RTN1: variants seen among roughly 807,000 people sequenced by gnomAD.
RTN1 encodes reticulon-1.
Under a neutral mutation model 65.5 loss-of-function variants are expected in RTN1, and 25 were observed. The ratio of observed to expected loss-of-function variants is 0.38; its 90% CI spans 0.28 to 0.53. The LOEUF is 0.53. Ranked by LOEUF, RTN1 falls within the 20% of genes least tolerant of loss-of-function variation. The probability of loss-of-function intolerance (pLI) is 0.79; values close to 1 mark genes in which losing one functional copy is unlikely to be tolerated. For synonymous variants in RTN1, 471 were observed against 447.6 expected (o/e 1.05, Z -0.66); for missense variants, 983 against 1,025.4 (o/e 0.96, Z 0.57).
intron 3 of RTN1, among the ~76,000 whole-genome samples, chr14:59,710,348 T>G (rs1287389630): frequency 6.6e-6 from 1 of 152,342 alleles, no homozygotes; most frequent in African/African-American, 2.4e-5. Context: ...CTTCTTTGCA[T>G]GTAAAGTTTC....
At chr14:59,734,112 G>A (rs1272331353) in intron 2 of RTN1, among the ~76,000 whole-genome samples, 1 of 152,172 alleles carries the variant, frequency 6.6e-6, no homozygotes, top group East Asian at 1.9e-4. Flanking sequence ...ACTAAGGTCT[G>A]GAGTGGACCC....
chr14:59,754,358 C>T (rs1885594116), intron 1 of RTN1, among the ~76,000 whole-genome samples: 1 of 152,186 alleles, frequency 6.6e-6, no homozygotes, highest in Non-Finnish European at 1.5e-5. Flanking sequence ...ACAACGATGA[C>T]TTGCTGAAGA....
intron 3 of RTN1, among the ~76,000 whole-genome samples, chr14:59,722,583 G>A (rs774688365): frequency 6.6e-6 from 1 of 152,080 alleles, no homozygotes; most frequent in Non-Finnish European, 1.5e-5. Context: ...ATTTCCATGA[G>A]AGCTGATATT....
chr14:59,644,210 A>G (rs1882841719), intron 3 of RTN1, among the ~76,000 whole-genome samples: 1 of 152,244 alleles, frequency 6.6e-6, no homozygotes, highest in Admixed American at 6.5e-5. Flanking sequence ...AGCACCTTCA[A>G]CTGAAACATC....
chr14:59,608,874 A>G (rs1881850816), intron 3 of RTN1, among the ~76,000 whole-genome samples: 1 of 152,016 alleles, frequency 6.6e-6, no homozygotes, highest in South Asian at 2.1e-4. Flanking sequence ...TTTGAGTAGG[A>G]CTGGTCCTAC....
intron 1 of RTN1, among the ~76,000 whole-genome samples, chr14:59,784,464 T>A (rs995459860): frequency 3.3e-5 from 5 of 151,524 alleles, no homozygotes; most frequent in Non-Finnish European, 5.9e-5. Flanking sequence ...AAAAAAATTG[T>A]CCTATCATTT....
intron 3 of RTN1, among the ~76,000 whole-genome samples, chr14:59,678,024 A>T (rs1381879607): frequency 5.3e-5 from 8 of 152,212 alleles, no homozygotes; most frequent in Non-Finnish European, 1.2e-4. Flanking sequence ...GCATTTTAGA[A>T]AAATAAATAG....
At chr14:59,731,365 G>C (rs1884892821) in intron 2 of RTN1, among the ~76,000 whole-genome samples, 1 of 152,132 alleles carries the variant, frequency 6.6e-6, no homozygotes, top group Non-Finnish European at 1.5e-5. Flanking sequence ...GTGAGAAAAG[G>C]GGGTGCAGGG....
intron 1 of RTN1, among the ~76,000 whole-genome samples, chr14:59,787,377 T>C (rs898150281): frequency 1.3e-5 from 2 of 152,190 alleles, no homozygotes; most frequent in Non-Finnish European, 2.9e-5. Context: ...TTTTGTCAAA[T>C]GGCTGTGAAA....
intron 3 of RTN1, among the ~76,000 whole-genome samples, chr14:59,682,474 T>C (rs1344874777): frequency 6.6e-6 from 1 of 152,190 alleles, no homozygotes; most frequent in East Asian, 1.9e-4. Context: ...CTCCTTTGAA[T>C]TGCTAGAGGG....
intron 8 of RTN1, among the ~76,000 whole-genome samples, chr14:59,599,211 G>A (rs572102644): frequency 4.6e-5 from 7 of 152,190 alleles, no homozygotes; most frequent in South Asian, 2.1e-4. Flanking sequence ...ATCCCTCGCC[G>A]CATTCTATAT....
chr14:59,724,214 T>C (rs1477446682), intron 3 of RTN1, among the ~76,000 whole-genome samples: 1 of 152,178 alleles, frequency 6.6e-6, no homozygotes, highest in East Asian at 1.9e-4. Flanking sequence ...TTGTCTCCAG[T>C]GCAATAACTG....
chr14:59,753,466 T>C (rs1383904462), intron 1 of RTN1, among the ~76,000 whole-genome samples: 1 of 152,180 alleles, frequency 6.6e-6, no homozygotes, highest in Non-Finnish European at 1.5e-5. Flanking sequence ...AAACAAAGAA[T>C]AATTCAAATA....
intron 3 of RTN1, among the ~76,000 whole-genome samples, chr14:59,722,619 A>G (rs776274198): frequency 1.6e-4 from 24 of 152,154 alleles, no homozygotes; most frequent in Non-Finnish European, 2.8e-4. Context: ...GTTAAATGAC[A>G]TAAGTTACAA....
At chr14:59,655,428 G>C (rs1003844203) in intron 3 of RTN1, among the ~76,000 whole-genome samples, 5 of 152,156 alleles carry the variant, frequency 3.3e-5, no homozygotes. Context: ...ATGTCATTTA[G>C]TTTATTGTTT....
chr14:59,770,633 C>T (rs1885938551), intron 1 of RTN1, among the ~76,000 whole-genome samples: 1 of 151,854 alleles, frequency 6.6e-6, no homozygotes, highest in Non-Finnish European at 1.5e-5. Context: ...ATTTTCAAAA[C>T]CCAGAAATTC....
rs748361080 is a variant in RTN1, at chr14:59,596,704, A to G, written c.*41T>C. The stretch of plus-strand genomic sequence containing the variant: ...GTAAGAAGAGAGCTGTTACCACTCC[A>G]GACATTCCTGTTTGTGTCCAGTCCC... On this transcript the variant is annotated 3_prime_UTR_variant, in exon 9 of 9. Transcript: ENST00000267484. 55 of 1,483,620 alleles carry G rather than the reference A, an allele frequency of 3.7e-5. No homozygotes were observed. Among genetic ancestry groups the G allele is most frequent in the Non-Finnish European group, 5.1e-5 (54 of 1,061,454 alleles). The allele number at this position is 1,483,620 out of a possible 1,614,324, so 91.9% of individuals were successfully genotyped here. A position where few individuals can be genotyped will look rare whatever the true frequency, so the allele number is the denominator to read the frequency against.
intron 3 of RTN1, among the ~76,000 whole-genome samples, chr14:59,651,564 C>T (rs565252237): frequency 3.3e-5 from 5 of 152,010 alleles, no homozygotes; most frequent in African/African-American, 7.2e-5. Flanking sequence ...ATGGCAAAAC[C>T]CTGTCTCTAC....
At chr14:59,791,026 T>C (rs1886338377) in intron 1 of RTN1, among the ~76,000 whole-genome samples, 1 of 152,204 alleles carries the variant, frequency 6.6e-6, no homozygotes, top group Non-Finnish European at 1.5e-5. Context: ...TTTATCTCAT[T>C]CGATAGCCAT....
Sources: allele counts gnomAD v4.1 joint callset (sites outside exome capture counted in the v4.1 genomes callset), GRCh38; gene constraint gnomAD v4.1.1; transcripts MANE v1.5; gene names NCBI Gene and HGNC (gene_info 2026-07-23, HGNC 2026-07-21).